CASKIN2: variants seen among roughly 807,000 people sequenced by gnomAD.
CASKIN2 encodes the protein CASK interacting protein 2.
A neutral mutation model predicts 107.1 loss-of-function variants in CASKIN2; 41 were observed. The ratio of observed to expected loss-of-function variants is 0.38; its 90% confidence interval spans 0.30 to 0.50. The LOEUF is 0.50. CASKIN2 is among the 20% of genes least tolerant of loss of function. The probability of loss-of-function intolerance (pLI) is 0.92; values close to 1 mark genes in which losing one functional copy is unlikely to be tolerated. For synonymous variants in CASKIN2, 724 were observed against 705.6 expected (o/e 1.03, Z -0.41); for missense variants, 1,546 against 1,657.4 (o/e 0.93, Z 1.17).
intron 12 of CASKIN2, 26 bp from the exon 13 acceptor site, chr17:75,504,506 C>A (rs778537435): frequency 2.5e-6 from 4 of 1,597,564 alleles, no homozygotes; most frequent in South Asian, 2.2e-5. Context: ...CAGGAGCCAA[C>A]TCAGCATTTG....
At chr17:75,511,346 A>G (rs950205533) in intron 2 of CASKIN2, among the ~76,000 whole-genome samples, 2 of 152,072 alleles carry the variant, frequency 1.3e-5, no homozygotes, top group Non-Finnish European at 2.9e-5. Flanking sequence ...CTCTTTAAAA[A>G]GAAAAGAACA....
Position 75,502,708 on chromosome 17 carries a change from G to A in CASKIN2, c.2366C>T (p.Pro789Leu), listed in dbSNP as rs767678105. The A allele has an allele frequency of 3.8e-6, 6 of 1,589,758 alleles. No individual in the cohort carries two copies. In the Admixed American group the frequency reaches 6.9e-5, roughly 18 times the overall value. Residue 789 changes from proline to leucine, a missense_variant, in exon 18 of 20, where the codon CCA becomes CTA. Physicochemically the swap from Pro to Leu is moderately conservative, Grantham distance 98. Transcript: ENST00000321617. This position sits in a 1 kb window ranked among gnomAD's most constrained non-coding sequence, Gnocchi z 4.3. ...SYLAGPPATP[P>L]DPPRPKRRSH... ...CCGGCGCTTAGGTCGAGGCGGGTCT[G>A]GGGGAGTGGCAGGGGGCCCGGCCAA...
intron 2 of CASKIN2, among the ~76,000 whole-genome samples, chr17:75,509,316 C>A (rs1598468985): frequency 6.6e-6 from 1 of 152,176 alleles, no homozygotes; most frequent in East Asian, 1.9e-4. Context: ...CTGGCTTGGC[C>A]AGGCTGGGCA....
chr17:75,507,453 G>T, intron 4 of CASKIN2, 131 bp downstream of exon 4: 1 of 694,508 alleles, frequency 1.4e-6, no homozygotes, highest in Non-Finnish European at 2.5e-6. Flanking sequence ...AAAGCCACTT[G>T]CAAGCCCAGA....
intron 3 of CASKIN2, 112 bp from the exon 4 acceptor site, chr17:75,507,793 C>G (rs995317940): frequency 2.6e-6 from 2 of 763,456 alleles, no homozygotes; most frequent in East Asian, 2.7e-5. Context: ...GGTTACTGGC[C>G]CCCCCAACCC....
In CASKIN2 at chr17:75,504,892, G is replaced by C. The variant is rs149155862; in HGVS notation, c.1112C>G (p.Pro371Arg). 7.5e-4 allele frequency: 1,211 copies of C among 1,610,350 alleles called. No individual in the cohort carries two copies. The highest frequency in any genetic ancestry group is 9.7e-4 in the Non-Finnish European group (1,148 of 1,178,622). Residue 371 changes from proline (P) to arginine (R), a missense_variant, in exon 11 of 20, where the codon CCG (proline) becomes CGG (arginine). Transcript: ENST00000321617. ...CGGGGGTTCTTCGGCAGGAGGCTGC[G>C]GTGTCCGGGAGAAGCCTGGGCGCAG... Reference protein sequence around the residue: ...TPLRPGFSRTPQPPAEEPPHP... With the variant: ...TPLRPGFSRTRQPPAEEPPHP...
At position 75,513,867 on chromosome 17, in the gene CASKIN2, G is replaced by T; in HGVS notation, c.-63C>A. 6.7e-7 allele frequency: 1 copy of T among 1,500,386 alleles called. No individual in the cohort carries two copies. The highest frequency in any genetic ancestry group is 9.2e-7 in the Non-Finnish European group (1 of 1,085,020). The allele number at this position is 1,500,386 out of a possible 1,614,324, so 92.9% of individuals were successfully genotyped here. A position where few individuals can be genotyped will look rare whatever the true frequency, so the allele number is the denominator to read the frequency against. On this transcript the variant is annotated 5_prime_UTR_variant, in exon 2 of 20. Transcript: ENST00000321617. ...GGGCAAAGGCAGGCAACGGGTCCAA[G>T]CTGGGGCGTCAGGGCGCCATGCCAC...
Position 75,502,884 on chromosome 17 carries a change from C to A in CASKIN2, c.2190G>T (p.Arg730Ser), listed in dbSNP as rs1382846451. ...SGGDPSPPQERNLPEGTERPP... is the reference protein window; with the variant it reads ...SGGDPSPPQESNLPEGTERPP... ...GCCGCTCTGTGCCCTCTGGGAGGTT[C>A]CTCTCCTGGGGGGGGCTGGGATCTC... The change falls in exon 18 of 20, where the codon AGG becomes AGT. Residue 730 changes from arginine (R) to serine (S), a missense_variant. Coordinates refer to ENST00000321617, the MANE Select transcript of CASKIN2 (RefSeq NM_020753.5). This position sits in a 1 kb window ranked among gnomAD's most constrained non-coding sequence, Gnocchi z 4.3. 1.9e-6 allele frequency: 3 copies of A among 1,542,460 alleles called. No homozygotes were observed. Among genetic ancestry groups the A allele is most frequent in the Non-Finnish European group, 2.6e-6 (3 of 1,144,446 alleles).
chr17:75,507,221 AG>A, intron 4 of CASKIN2, 92 bp from the exon 5 acceptor site: 1 of 1,409,352 alleles, frequency 7.1e-7, no homozygotes, highest in Non-Finnish European at 9.5e-7. Flanking sequence ...CCCAGCTGGG[AG>A]GGCAGAGAGC....
At position 75,511,809 on chromosome 17, in the gene CASKIN2, C is replaced by G. The variant is rs372542785; in HGVS notation, c.94+1902G>C. Reference sequence around the variant, plus strand: ...AACTTCTCGGAGCCTAAGAGCCCAGCTCTGCAGTTCCCGCCACTGGCCTCC... The same window carrying G: ...AACTTCTCGGAGCCTAAGAGCCCAGGTCTGCAGTTCCCGCCACTGGCCTCC... On this transcript the variant is annotated intron_variant, in intron 2 of 19. Transcript: ENST00000321617. Among the ~76,000 whole-genome samples the G allele has an allele frequency of 2.1e-4, 32 of 152,344 alleles. No homozygotes were observed. The South Asian group carries it at 6.4e-3, about 31-fold the overall frequency.
rs2053336557 is a variant in CASKIN2 at position 75,514,064 on chromosome 17, G to A, written c.-260C>T. On this transcript the variant is annotated 5_prime_UTR_variant, in exon 2 of 20. Transcript: ENST00000321617. ...TACATGGAAATCTGGATGGATATCA[G>A]CTTGTGGCTTCCGACAGCTCCAGGA... is the stretch of plus-strand genomic sequence containing the variant. The A allele has an allele frequency of 1.7e-6, 1 of 581,308 alleles. No homozygotes were observed. 36.0% of individuals were successfully genotyped at this position (581,308 alleles called of 1,614,324 possible).
In CASKIN2 at chr17:75,506,217, G is replaced by T. The variant is rs981629029; in HGVS notation, c.726+88C>A. The T allele has an allele frequency of 6.9e-6, 8 of 1,167,500 alleles. No individual in the cohort carries two copies. Among genetic ancestry groups the T allele is most frequent in the Non-Finnish European group, 9.9e-6 (8 of 811,556 alleles). The allele number at this position is 1,167,500 out of a possible 1,614,324, so 72.3% of individuals were successfully genotyped here. A position where few individuals can be genotyped will look rare whatever the true frequency, so the allele number is the denominator to read the frequency against. The stretch of plus-strand genomic sequence containing the variant: ...ACGCCCATGCAAAAACCACGCTGGA[G>T]TCCTCCGTCCCGTACCTCCCCAGCC... On this transcript the variant is annotated intron_variant, in intron 8 of 19. Coordinates refer to ENST00000321617, the MANE Select transcript of CASKIN2 (RefSeq NM_020753.5). This position sits in a 1 kb window ranked among gnomAD's most constrained non-coding sequence, Gnocchi z 4.8.
At chr17:75,508,684 G>A (rs2053291316) in intron 2 of CASKIN2, among the ~76,000 whole-genome samples, 1 of 152,202 alleles carries the variant, frequency 6.6e-6, no homozygotes, top group South Asian at 2.1e-4. Flanking sequence ...GAAGGAAAGA[G>A]GCACTAGGTA....
Position 75,504,987 on chromosome 17 carries a change from CG to C in CASKIN2, c.1016del (p.Pro339ArgfsTer95). On this transcript the variant is annotated frameshift_variant, in exon 11 of 20. Coordinates refer to ENST00000321617, the MANE Select transcript of CASKIN2 (RefSeq NM_020753.5). LOFTEE classifies it high-confidence loss of function. ...RGTDRIGYFP[P>X]GIVEVVSKRV... ...GCTTGCTGACCACCTCGACAATGCC[CG>C]GGGGGAAGTAGCCTATGCGGTCTGT... The C allele has an allele frequency of 6.2e-7, 1 of 1,612,234 alleles. No individual in the cohort carries two copies. The highest frequency in any genetic ancestry group is 8.5e-7 in the Non-Finnish European group (1 of 1,179,760).
intron 2 of CASKIN2, among the ~76,000 whole-genome samples, chr17:75,512,801 G>A (rs1471269205): frequency 1.3e-5 from 2 of 151,766 alleles, no homozygotes; most frequent in Non-Finnish European, 2.9e-5. Flanking sequence ...TCGGGAGGCT[G>A]AGGCAGAAGA....
In CASKIN2 at chr17:75,513,842, GGGCAAAGGCA is replaced by G; in HGVS notation, c.-48_-39del. On this transcript the variant is annotated 5_prime_UTR_variant, in exon 2 of 20. Transcript: ENST00000321617. ...GCTGAGCTCTACACTCAGGAGTCCA[GGGCAAAGGCA>G]GGCAACGGGTCCAAGCTGGGGCGTC... 6.3e-7 allele frequency: 1 copy of G among 1,594,346 alleles called. No individual in the cohort carries two copies. Among genetic ancestry groups the G allele is most frequent in the Non-Finnish European group, 8.6e-7 (1 of 1,164,412 alleles).
At chr17:75,507,292 G>C (rs1598467740) in intron 4 of CASKIN2, among the ~76,000 whole-genome samples, 163 bp from the exon 5 acceptor site, 1 of 150,664 alleles carries the variant, frequency 6.6e-6, no homozygotes, top group East Asian at 1.9e-4. Flanking sequence ...CGGCTCGACA[G>C]GGCTGAAGCC....
Position 75,502,890 on chromosome 17 carries a change from C to T in CASKIN2, c.2184G>A (p.Gln728=), listed in dbSNP as rs1410879702. Residue 728 remains glutamine, a synonymous_variant, in exon 18 of 20, where the codon CAG becomes CAA. Coordinates refer to ENST00000321617, the MANE Select transcript of CASKIN2 (RefSeq NM_020753.5). The surrounding 1 kb of genome is among the most constrained non-coding windows in gnomAD (Gnocchi z 4.3). ...QPSGGDPSPP[Q]ERNLPEGTER... Reference sequence around the variant, plus strand: ...CTGTGCCCTCTGGGAGGTTCCTCTCCTGGGGGGGGCTGGGATCTCCACCGC... The same window carrying T: ...CTGTGCCCTCTGGGAGGTTCCTCTCTTGGGGGGGGCTGGGATCTCCACCGC... The T allele has an allele frequency of 7.1e-6, 11 of 1,543,034 alleles. No individual in the cohort carries two copies. Among genetic ancestry groups the T allele is most frequent in the Non-Finnish European group, 7.0e-6 (8 of 1,144,592 alleles).
In CASKIN2 at chr17:75,503,191, T is replaced by C; in HGVS notation, c.1883A>G (p.Gln628Arg). The change falls in exon 18 of 20, where the codon CAG becomes CGG. Residue 628 changes from glutamine to arginine, a missense_variant. This residue lies in a region of CASKIN2 where 1,311 missense variants were observed against 1,311.0 expected (regional missense o/e 1.00). Transcript: ENST00000321617. ...RLAELRRGLL[Q>R]GEALSEGGRR... ...CCCGCCTTCGCTGAGGGCCTCCCCC[T>C]GCAGCAGGCCCCGCCGAAGCTCCGC... is the stretch of plus-strand genomic sequence containing the variant. The C allele has an allele frequency of 6.2e-7, 1 of 1,600,112 alleles. No homozygotes were observed. The highest frequency in any genetic ancestry group is 8.5e-7 in the Non-Finnish European group (1 of 1,175,774).
Sources: gnomAD v4.1 joint callset for allele counts (sites outside exome capture counted in the v4.1 genomes callset) on GRCh38, gnomAD v4.1.1 for gene constraint, gnomAD v4.1.1 regional missense constraint, Gnocchi (gnomAD v3.1) non-coding constraint, MANE v1.5 for transcripts, NCBI Gene and HGNC (gene_info 2026-07-23, HGNC 2026-07-21) for gene names.